RIC8B: variants seen among roughly 807,000 people sequenced by gnomAD.
RIC8B encodes RIC8 guanine nucleotide exchange factor B.
Under a neutral mutation model 57.5 loss-of-function variants are expected in RIC8B, and 16 were observed. The ratio of observed to expected loss-of-function variants is 0.28; its 90% CI spans 0.19 to 0.42. RIC8B has a LOEUF of 0.42. Ranked by LOEUF, RIC8B falls within the 10% of genes least tolerant of loss-of-function variation. The pLI is 1.00. For synonymous variants in RIC8B, 216 were observed against 250.8 expected (o/e 0.86, Z 1.31); for missense variants, 481 against 677.0 (o/e 0.71, Z 3.21).
chr12:106,835,102 C>G (rs186441697), intron 4 of RIC8B, among the ~76,000 whole-genome samples: 2 of 151,878 alleles, frequency 1.3e-5, no homozygotes, highest in Admixed American at 1.3e-4. Context: ...TTTGTACTTA[C>G]CGTTTCCATG....
chr12:106,826,614 G>A (rs982153237), intron 4 of RIC8B, among the ~76,000 whole-genome samples: 5 of 152,024 alleles, frequency 3.3e-5, no homozygotes, highest in African/African-American at 4.8e-5. Context: ...AAAGTAGCTG[G>A]GCATGGTGGC....
intron 6 of RIC8B, among the ~76,000 whole-genome samples, chr12:106,848,487 G>C (rs909984038): frequency 6.6e-6 from 1 of 152,170 alleles, no homozygotes; most frequent in Non-Finnish European, 1.5e-5. Flanking sequence ...AGAGTGACCA[G>C]CATGGAAGCA....
intron 9 of RIC8B, chr12:106,871,500 C>CAAAAAAAAAAAAAAAAAAAAAAAAA (rs1566169701): frequency 3.0e-5 from 2 of 66,576 alleles, no homozygotes; most frequent in African/African-American, 6.0e-5. Context: ...AAAAAAAAAC[C>CAAAAAAAAAAAAAAAAAAAAAAAAA]AAAAAACTCC....
chr12:106,888,512 T>C lies in RIC8B; in HGVS notation c.*2497T>C. The C allele has an allele frequency of 6.5e-6, 1 of 152,788 alleles. No individual in the cohort carries two copies. Among genetic ancestry groups the C allele is most frequent in the Non-Finnish European group, 1.5e-5 (1 of 68,094 alleles). 9.5% of individuals were successfully genotyped at this position (152,788 alleles called of 1,614,324 possible). On this transcript the variant is annotated 3_prime_UTR_variant, in exon 10 of 10. Coordinates refer to ENST00000392837, the MANE Select transcript of RIC8B (RefSeq NM_001330145.2). The stretch of plus-strand genomic sequence containing the variant: ...CCTGACTCCCAGCACCACTCCTTCC[T>C]TTTCCCCACAGCACACCTGGGCCCA...
intron 7 of RIC8B, among the ~76,000 whole-genome samples, chr12:106,852,477 T>A (rs1949516290): frequency 6.6e-6 from 1 of 152,260 alleles, no homozygotes; most frequent in Non-Finnish European, 1.5e-5. Context: ...ATCCAACCAC[T>A]TAAGTTCACA....
At chr12:106,859,773 C>T (rs1045163715) in intron 7 of RIC8B, among the ~76,000 whole-genome samples, 3 of 152,108 alleles carry the variant, frequency 2.0e-5, no homozygotes, top group Non-Finnish European at 4.4e-5. Context: ...AAGTTATCAC[C>T]TATGCTATTT....
chr12:106,820,918 G>A (rs2045811670), intron 3 of RIC8B, among the ~76,000 whole-genome samples: 1 of 152,152 alleles, frequency 6.6e-6, no homozygotes, highest in Non-Finnish European at 1.5e-5. Context: ...TCACAACCAA[G>A]CCTGCTTGCT....
At chr12:106,875,037 G>C (rs1225437340) in intron 9 of RIC8B, among the ~76,000 whole-genome samples, 1 of 151,980 alleles carries the variant, frequency 6.6e-6, no homozygotes, top group East Asian at 1.9e-4. Context: ...GCAGTTTTTT[G>C]CTTTAAAATA....
intron 1 of RIC8B, among the ~76,000 whole-genome samples, chr12:106,775,936 T>C (rs1227824656): frequency 1.3e-5 from 2 of 152,242 alleles, no homozygotes; most frequent in Non-Finnish European, 2.9e-5. Flanking sequence ...CCATCCACTT[T>C]GTATTACTGA....
chr12:106,884,040 A>G (rs924149898), intron 9 of RIC8B, among the ~76,000 whole-genome samples: 5 of 152,148 alleles, frequency 3.3e-5, no homozygotes, highest in Non-Finnish European at 5.9e-5. Context: ...CGTCAGTGGG[A>G]CCATTCAGAG....
At chr12:106,798,036 CG>C (rs1304474863) in intron 2 of RIC8B, 3 of 715,424 alleles carry the variant, frequency 4.2e-6, no homozygotes, top group Non-Finnish European at 7.8e-6. Flanking sequence ...CTAGTTATAG[CG>C]TTGACAGAAA....
intron 4 of RIC8B, among the ~76,000 whole-genome samples, chr12:106,838,953 G>A (rs1379525117): frequency 1.4e-5 from 2 of 145,320 alleles, no homozygotes; most frequent in Non-Finnish European, 3.0e-5. Flanking sequence ...CAAAACCTCA[G>A]TATCACCTCA....
chr12:106,812,188 C>G (rs1404928608), intron 2 of RIC8B, among the ~76,000 whole-genome samples: 2 of 152,138 alleles, frequency 1.3e-5, no homozygotes, highest in East Asian at 1.9e-4. Flanking sequence ...ATGGTATGTT[C>G]AAGAACAACT....
At chr12:106,857,025 G>A (rs1247680778) in intron 7 of RIC8B, among the ~76,000 whole-genome samples, 1 of 152,160 alleles carries the variant, frequency 6.6e-6, no homozygotes, top group African/African-American at 2.4e-5. Context: ...CTGGTTTAAT[G>A]TGTGAGGAAT....
chr12:106,783,922 G>T, intron 1 of RIC8B, 75 bp from the exon 2 acceptor site: 1 of 1,324,372 alleles, frequency 7.6e-7, no homozygotes, highest in South Asian at 1.2e-5. Context: ...CATTATTTTA[G>T]ATGCTATTAA....
chr12:106,826,648 C>G lies in RIC8B; in HGVS notation c.836+828C>G, dbSNP rs190792454. Among the ~76,000 whole-genome samples, 32 of 152,250 alleles carry G rather than the reference C, an allele frequency of 2.1e-4. 2 individuals carry two copies. Among genetic ancestry groups the G allele is most frequent in the Non-Finnish European group, 8.8e-5 (6 of 68,018 alleles). On this transcript the variant is annotated intron_variant, in intron 4 of 9. Transcript: ENST00000392837. The stretch of plus-strand genomic sequence containing the variant: ...GCACATGCCTGTAATCCTAGCTACT[C>G]GGGAAGCCGAGGCAGGAGAAACACT...
At chr12:106,854,588 C>A (rs1433075395) in intron 7 of RIC8B, among the ~76,000 whole-genome samples, 1 of 151,906 alleles carries the variant, frequency 6.6e-6, no homozygotes, top group Non-Finnish European at 1.5e-5. Context: ...GTCAGGAGAT[C>A]GAGACCATCC....
At chr12:106,833,810 G>A (rs1302400995) in intron 4 of RIC8B, among the ~76,000 whole-genome samples, 3 of 152,092 alleles carry the variant, frequency 2.0e-5, no homozygotes, top group East Asian at 1.9e-4. Flanking sequence ...GGGCCTAGTG[G>A]GAGGTGTTTG....
rs868596841 is a variant in RIC8B, at chr12:106,780,199, A to G, written c.85-3798A>G. On this transcript the variant is annotated intron_variant, in intron 1 of 9. Transcript: ENST00000392837. ...AACCCCCTCGTTTAATAGATGACTCATCAACTATGATGATAACCAGAGACG... is the reference window on the plus strand; with the variant it reads ...AACCCCCTCGTTTAATAGATGACTCGTCAACTATGATGATAACCAGAGACG... Among the ~76,000 whole-genome samples the G allele has an allele frequency of 4.6e-5, 7 of 152,300 alleles. No individual in the cohort carries two copies. In the South Asian group the frequency reaches 1.0e-3, roughly 23 times the overall value.
Sources: allele counts gnomAD v4.1 joint callset (sites outside exome capture counted in the v4.1 genomes callset), GRCh38; gene constraint gnomAD v4.1.1; transcripts MANE v1.5; gene names NCBI Gene and HGNC (gene_info 2026-07-23, HGNC 2026-07-21).